The following EPHA6 variants were observed in gnomAD, a reference collection of about 807,000 sequenced individuals.
EPHA6 encodes the protein ephrin type-A receptor 6.
Under a neutral mutation model 112.0 loss-of-function variants are expected in EPHA6, and 50 were observed. That is an observed-to-expected ratio of 0.45 (90% CI 0.36 to 0.56). The LOEUF (loss-of-function observed/expected upper bound fraction) is 0.56. Among genes scored for constraint, EPHA6 ranks in the 20% least tolerant of loss-of-function variants. The pLI is 0.00. For synonymous variants in EPHA6, 529 were observed against 490.7 expected, an observed-to-expected ratio of 1.08 and a Z score of -1.03; for missense variants, 1,280 against 1,417.4, an observed-to-expected ratio of 0.90 and a Z score of 1.56.
chr3:97,456,231 A>G (rs1383422351), intron 7 of EPHA6, among the ~76,000 whole-genome samples: 1 of 152,096 alleles, frequency 6.6e-6, no homozygotes, highest in Non-Finnish European at 1.5e-5. Context: ...AAGATCAGGG[A>G]ACATTTCTTT....
At chr3:97,456,492 A>G (rs2090689894) in intron 7 of EPHA6, among the ~76,000 whole-genome samples, 1 of 152,176 alleles carries the variant, frequency 6.6e-6, no homozygotes, top group East Asian at 1.9e-4. Context: ...TGAATTTCAT[A>G]TGAATTAATA....
chr3:97,695,396 A>G lies in EPHA6; in HGVS notation c.2785-24865A>G, dbSNP rs113728000. ...TTACTGTAGACAGAGTGTACAGTTA[A>G]GTATAAACCAAAAGTCACCCTTGTC... On this transcript the variant is annotated intron_variant, in intron 14 of 17. Coordinates refer to ENST00000389672, the MANE Select transcript of EPHA6 (RefSeq NM_001080448.3). Among the ~76,000 whole-genome samples the G allele has an allele frequency of 3.5e-3, 531 of 152,374 alleles. 4 individuals carry two copies. Among genetic ancestry groups the G allele is most frequent in the African/African-American group, 0.012 (485 of 41,580 alleles).
At chr3:97,481,651 C>T (rs113998709) in intron 9 of EPHA6, 46,626 of 424,650 alleles carry the variant, frequency 0.11, 3,373 homozygotes, top group Admixed American at 0.26. Flanking sequence ...AGACGCCCCG[C>T]CCCCTGCCTT....
intron 1 of EPHA6, among the ~76,000 whole-genome samples, chr3:96,823,204 A>G (rs1261922642): frequency 6.6e-6 from 1 of 151,770 alleles, no homozygotes; most frequent in East Asian, 1.9e-4. Context: ...TAGAGAATTT[A>G]AGTATGTAGA....
At chr3:97,441,496 A>G in intron 6 of EPHA6, 1 of 869,678 alleles carries the variant, frequency 1.1e-6, no homozygotes, top group Non-Finnish European at 1.4e-6. Flanking sequence ...AATTATATTT[A>G]ACCATAACAC....
intron 11 of EPHA6, among the ~76,000 whole-genome samples, chr3:97,544,748 G>A (rs1165252902): frequency 2.6e-5 from 4 of 152,116 alleles, no homozygotes; most frequent in South Asian, 4.1e-4. Context: ...GTAAGCTATT[G>A]ATTATTGCCT....
chr3:97,637,852 A>G, intron 13 of EPHA6, 21 bp from the exon 14 acceptor site: 2 of 1,593,226 alleles, frequency 1.3e-6, no homozygotes, highest in Non-Finnish European at 1.7e-6. Flanking sequence ...ATCAATTTAC[A>G]CAATTGTGAT....
intron 14 of EPHA6, among the ~76,000 whole-genome samples, chr3:97,711,335 C>T (rs1006973390): frequency 9.9e-5 from 15 of 151,826 alleles, no homozygotes; most frequent in East Asian, 7.7e-4. Context: ...TGCCCAGTCT[C>T]GGGTATGTCT....
intron 11 of EPHA6, among the ~76,000 whole-genome samples, chr3:97,578,602 A>G (rs1476329415): frequency 2.0e-5 from 3 of 152,224 alleles, no homozygotes; most frequent in African/African-American, 4.8e-5. Context: ...GATCATGACT[A>G]GAGGTATAGG....
At chr3:97,255,144 ATGTG>A (rs10631180) in intron 5 of EPHA6, among the ~76,000 whole-genome samples, 7,526 of 144,306 alleles carry the variant, frequency 0.052, 554 homozygotes, top group African/African-American at 0.16. Flanking sequence ...TACATCTTGG[ATGTG>A]TGTGTGTGTG....
intron 14 of EPHA6, among the ~76,000 whole-genome samples, chr3:97,639,942 A>G (rs2093986024): frequency 7.3e-6 from 1 of 137,656 alleles, no homozygotes; most frequent in South Asian, 2.8e-4. Context: ...ATGGCAAATA[A>G]TATAATCAAG....
chr3:97,633,287 CA>C (rs138685319), intron 13 of EPHA6, among the ~76,000 whole-genome samples: 2 of 148,190 alleles, frequency 1.3e-5, no homozygotes, highest in East Asian at 2.0e-4. Context: ...GTTGAGAGAG[CA>C]AAAAAAAAGA....
At chr3:97,152,034 T>C (rs2076183559) in intron 3 of EPHA6, among the ~76,000 whole-genome samples, 3 of 152,026 alleles carry the variant, frequency 2.0e-5, no homozygotes, top group Non-Finnish European at 4.4e-5. Context: ...CCATGTGTGA[T>C]GTGGGAAGAG....
At chr3:97,073,513 G>A (rs1216090426) in intron 3 of EPHA6, among the ~76,000 whole-genome samples, 1 of 152,088 alleles carries the variant, frequency 6.6e-6, no homozygotes, top group East Asian at 1.9e-4. Flanking sequence ...ATACTACTTA[G>A]ACTGCACAGG....
At chr3:97,056,912 C>A (rs2045872374) in intron 3 of EPHA6, among the ~76,000 whole-genome samples, 1 of 152,160 alleles carries the variant, frequency 6.6e-6, no homozygotes, top group Non-Finnish European at 1.5e-5. Flanking sequence ...GCTACTGCCA[C>A]CACCACAATT....
chr3:96,831,073 C>T (rs920965624), intron 1 of EPHA6, among the ~76,000 whole-genome samples: 3 of 151,690 alleles, frequency 2.0e-5, no homozygotes, highest in African/African-American at 7.3e-5. Flanking sequence ...AATTGCTTTC[C>T]CTGTATTTTA....
rs372451710 is a variant in EPHA6, at chr3:97,440,940, A to G, written c.1732-7628A>G. Among the ~76,000 whole-genome samples, 7 of 152,106 alleles carry G rather than the reference A, an allele frequency of 4.6e-5. No homozygotes were observed. In the East Asian group the frequency reaches 9.6e-4, roughly 21 times the overall value. On this transcript the variant is annotated intron_variant, in intron 6 of 17. Coordinates refer to ENST00000389672, the MANE Select transcript of EPHA6 (RefSeq NM_001080448.3). ...AAAGGAAATATAATAATTTTACGGT[A>G]ATTATCAAAACTGAATAAGGAGAAG... is the stretch of plus-strand genomic sequence containing the variant.
At chr3:96,855,954 C>T (rs991213682) in intron 1 of EPHA6, among the ~76,000 whole-genome samples, 1 of 152,062 alleles carries the variant, frequency 6.6e-6, no homozygotes, top group African/African-American at 2.4e-5. Flanking sequence ...GTGGCTTTCA[C>T]CTGTAATCAC....
intron 14 of EPHA6, among the ~76,000 whole-genome samples, chr3:97,683,397 A>G (rs985337654): frequency 6.6e-6 from 1 of 152,172 alleles, no homozygotes; most frequent in Non-Finnish European, 1.5e-5. Context: ...ATTGGGAAAA[A>G]TTACAGAAAA....
Sources: allele counts gnomAD v4.1 joint callset (sites outside exome capture counted in the v4.1 genomes callset), GRCh38; gene constraint gnomAD v4.1.1; transcripts MANE v1.5; gene names NCBI Gene and HGNC (gene_info 2026-07-23, HGNC 2026-07-21).